Variants in FAM131B observed in about 807,000 individuals in gnomAD.
FAM131B encodes family with sequence similarity 131 member B.
In FAM131B, 19 loss-of-function variants were observed where a neutral mutation model predicts 42.0. The observed-to-expected ratio is 0.45, with a 90% CI of 0.32 to 0.66. The LOEUF is 0.66. Among genes scored for constraint, FAM131B ranks in the 30% least tolerant of loss-of-function variants. The probability of loss-of-function intolerance (pLI) is 0.05; values close to 1 mark genes in which losing one functional copy is unlikely to be tolerated. For missense variants in FAM131B, 370 were observed against 468.4 expected (o/e 0.79, Z 1.94); for synonymous variants, 183 against 177.6 (o/e 1.03, Z -0.24).
the FAM131B span, among the ~76,000 whole-genome samples, chr7:143,372,094 G>C: frequency 6.6e-6 from 1 of 152,226 alleles, no homozygotes; most frequent in African/African-American, 2.4e-5. Context: ...CAGAGTGGGA[G>C]AGTGGATGGA....
rs1017905729 is a variant in FAM131B, at chr7:143,358,386, T to C, written c.466+441A>G. Among the ~76,000 whole-genome samples, 1 of 152,218 alleles carries C rather than the reference T, an allele frequency of 6.6e-6. No individual in the cohort carries two copies. The highest frequency in any genetic ancestry group is 2.4e-5 in the African/African-American group (1 of 41,458). ...ACCTCTTCTGTAGGCCTCCCGTCTC[T>C]CACACAGTTCCCTTAATCTTCTAGT... On this transcript the variant is annotated intron_variant, in intron 5 of 6. Coordinates refer to ENST00000443739, the MANE Select transcript of FAM131B (RefSeq NM_001031690.3). This position sits in a 1 kb window ranked among gnomAD's most constrained non-coding sequence, Gnocchi z 4.7.
chr7:143,359,839 A>T lies in FAM131B; in HGVS notation c.139-72T>A. 7.1e-7 allele frequency: 1 copy of T among 1,418,068 alleles called. No homozygotes were observed. Among genetic ancestry groups the T allele is most frequent in the African/African-American group, 1.4e-5 (1 of 70,500 alleles). The allele number at this position is 1,418,068 out of a possible 1,614,324, so 87.8% of individuals were successfully genotyped here. On this transcript the variant is annotated intron_variant, in intron 2 of 6. Transcript: ENST00000443739. The surrounding 1 kb of genome is among the most constrained non-coding windows in gnomAD (Gnocchi z 5.4). ...AATGCAAGGAAGCCCCCTTCCTCAG[A>T]GGGCCTTCCAGGAGTGCGGGATGTG...
At chr7:143,381,872 C>T in the FAM131B span, 9 of 1,261,996 alleles carry the variant, frequency 7.1e-6, no homozygotes, top group Non-Finnish European at 7.5e-6. Flanking sequence ...AAGGTTGTTG[C>T]CGAGGGGGCT....
At chr7:143,369,436 A>G in the FAM131B span, among the ~76,000 whole-genome samples, 13 of 152,158 alleles carry the variant, frequency 8.5e-5, no homozygotes, top group Admixed American at 6.5e-5. Context: ...GCACTTTGGG[A>G]GGCCGAGGAG....
Position 143,359,243 on chromosome 7 carries a change from A to C in FAM131B, c.268+83T>G. ...GGGGGTGGGGATGAGGGTCTTCATC[A>C]ACCTCGAAGGAGCAGGGAGACTGAG... On this transcript the variant is annotated intron_variant, in intron 4 of 6. Transcript: ENST00000443739. The surrounding 1 kb of genome is among the most constrained non-coding windows in gnomAD (Gnocchi z 5.4). The C allele has an allele frequency of 8.4e-7, 1 of 1,197,556 alleles. No homozygotes were observed. Among genetic ancestry groups the C allele is most frequent in the Non-Finnish European group, 1.2e-6 (1 of 818,118 alleles). The allele number at this position is 1,197,556 out of a possible 1,614,324, so 74.2% of individuals were successfully genotyped here.
chr7:143,381,921 C>T, the FAM131B span: 2 of 857,478 alleles, frequency 2.3e-6, no homozygotes, highest in South Asian at 1.9e-5. Flanking sequence ...GTTCTTACCT[C>T]ATCGTGGAGC....
intron 1 of FAM131B, chr7:143,360,510 A>T (rs1803910750): frequency 1.3e-6 from 1 of 742,134 alleles, no homozygotes; most frequent in Non-Finnish European, 1.7e-6. Context: ...ATAAGGGCAG[A>T]GCTGCTCTAT....
rs544097270 is a variant in FAM131B at position 143,355,229 on chromosome 7, C to T, written c.*1321G>A. 6.6e-6 allele frequency: 1 copy of T among 152,552 alleles called. No homozygotes were observed. Among genetic ancestry groups the T allele is most frequent in the African/African-American group, 2.4e-5 (1 of 41,588 alleles). 9.4% of individuals were successfully genotyped at this position (152,552 alleles called of 1,614,324 possible). ...TCCGCCCATCCTCTGCCTGTGCTCT[C>T]ACGGTAGTGCTGGGGCGCATATGCT... On this transcript the variant is annotated 3_prime_UTR_variant, in exon 7 of 7. Coordinates refer to ENST00000443739, the MANE Select transcript of FAM131B (RefSeq NM_001031690.3). This position sits in a 1 kb window ranked among gnomAD's most constrained non-coding sequence, Gnocchi z 4.1.
Position 143,354,901 on chromosome 7 carries a change from TC to T in FAM131B, c.*1648del, listed in dbSNP as rs1803582852. ...ACACCCCAACTCTCAACCTTCTCACTCCAAAATAATAAGTTCTGGGGCCTGG... is the reference window on the plus strand; with the variant it reads ...ACACCCCAACTCTCAACCTTCTCACTCAAAATAATAAGTTCTGGGGCCTGG... On this transcript the variant is annotated 3_prime_UTR_variant, in exon 7 of 7. Transcript: ENST00000443739. The T allele has an allele frequency of 6.6e-6, 1 of 152,258 alleles. No individual in the cohort carries two copies. The highest frequency in any genetic ancestry group is 1.5e-5 in the Non-Finnish European group (1 of 68,176). 9.4% of individuals were successfully genotyped at this position (152,258 alleles called of 1,614,324 possible). A position where few individuals can be genotyped will look rare whatever the true frequency, so the allele number is the denominator to read the frequency against.
the FAM131B span, among the ~76,000 whole-genome samples, chr7:143,369,485 G>A: frequency 6.6e-6 from 1 of 152,166 alleles, no homozygotes. Flanking sequence ...GACCTGCCTG[G>A]CCAACACGGT....
the FAM131B span, among the ~76,000 whole-genome samples, chr7:143,371,603 G>A: frequency 9.5e-6 from 1 of 105,284 alleles, no homozygotes; most frequent in African/African-American, 3.9e-5. Context: ...AACACCGCAA[G>A]ACCCTGTCTC....
the FAM131B span, chr7:143,381,269 C>T: frequency 2.8e-6 from 3 of 1,055,742 alleles, no homozygotes; most frequent in African/African-American, 1.7e-5. Context: ...GCTCTCTCCC[C>T]GCCCCCTCTC....
chr7:143,359,486 G>A lies in FAM131B; in HGVS notation c.175-67C>T, dbSNP rs1162053003. On this transcript the variant is annotated intron_variant, in intron 3 of 6. Coordinates refer to ENST00000443739, the MANE Select transcript of FAM131B (RefSeq NM_001031690.3). This position sits in a 1 kb window ranked among gnomAD's most constrained non-coding sequence, Gnocchi z 5.4. ...GTACGGGCGTGCTTTATACATGGAG[G>A]AGGTTCATGGTTTCCAGGAAAAAGC... 2.4e-6 allele frequency: 3 copies of A among 1,251,824 alleles called. No individual in the cohort carries two copies. The highest frequency in any genetic ancestry group is 2.9e-5 in the African/African-American group (2 of 68,316). 77.5% of individuals were successfully genotyped at this position (1,251,824 alleles called of 1,614,324 possible). A position where few individuals can be genotyped will look rare whatever the true frequency, so the allele number is the denominator to read the frequency against.
chr7:143,381,300 C>T, the FAM131B span: 3 of 1,100,182 alleles, frequency 2.7e-6, no homozygotes, highest in Middle Eastern at 2.7e-4. Context: ...CTCCTCCTTC[C>T]GTGTGTCCCT....
At position 143,358,032 on chromosome 7, in the gene FAM131B, G is replaced by A. The variant is rs549762805; in HGVS notation, c.467-609C>T. The stretch of plus-strand genomic sequence containing the variant: ...CAAGATCAACAGAGAACCCCCAAGA[G>A]AGCATCGTGGGCTTGTGGGTCCACC... On this transcript the variant is annotated intron_variant, in intron 5 of 6. Coordinates refer to ENST00000443739, the MANE Select transcript of FAM131B (RefSeq NM_001031690.3). The surrounding 1 kb of genome is among the most constrained non-coding windows in gnomAD (Gnocchi z 4.7). Among the ~76,000 whole-genome samples, 4 of 152,330 alleles carry A rather than the reference G, an allele frequency of 2.6e-5. No homozygotes were observed. Among genetic ancestry groups the A allele is most frequent in the African/African-American group, 9.6e-5 (4 of 41,570 alleles).
the FAM131B span, among the ~76,000 whole-genome samples, chr7:143,375,349 A>G: frequency 6.6e-6 from 1 of 152,174 alleles, no homozygotes; most frequent in African/African-American, 2.4e-5. Flanking sequence ...TTCTGGTAGC[A>G]TCTCACGCTT....
chr7:143,379,739 G>T, the FAM131B span: 2 of 152,222 alleles, frequency 1.3e-5, no homozygotes, highest in African/African-American at 4.8e-5. Flanking sequence ...CAATAAAGTA[G>T]ATGGATTAAC....
chr7:143,368,275 G>A, the FAM131B span, among the ~76,000 whole-genome samples: 1 of 152,194 alleles, frequency 6.6e-6, no homozygotes, highest in Admixed American at 6.5e-5. Context: ...CCAGAGAGAA[G>A]AACCAGATGG....
the FAM131B span, chr7:143,381,466 A>G: frequency 7.6e-7 from 1 of 1,308,304 alleles, no homozygotes; most frequent in Non-Finnish European, 9.8e-7. Context: ...GGGCGCCGGG[A>G]GGGGGCGAGT....
Sources: allele counts gnomAD v4.1 joint callset (sites outside exome capture counted in the v4.1 genomes callset), GRCh38; gene constraint gnomAD v4.1.1; non-coding constraint Gnocchi (gnomAD v3.1); transcripts MANE v1.5; gene names NCBI Gene and HGNC (gene_info 2026-07-23, HGNC 2026-07-21).